SLC11A2: variants seen among roughly 807,000 people sequenced by gnomAD.
SLC11A2 encodes natural resistance-associated macrophage protein 2.
SLC11A2 carries 38 observed loss-of-function variants against 68.0 expected under a neutral mutation model. The observed-to-expected ratio is 0.56, with a 90% CI of 0.43 to 0.73. The LOEUF (loss-of-function observed/expected upper bound fraction) is 0.73, where lower values mean the gene tolerates loss of function less well. Ranked by LOEUF, SLC11A2 falls within the 30% of genes least tolerant of loss-of-function variation. The pLI is 0.00. For synonymous variants in SLC11A2, 242 were observed against 250.6 expected (o/e 0.97, Z 0.32); for missense variants, 517 against 690.5 (o/e 0.75, Z 2.82).
upstream of SLC11A2, among the ~76,000 whole-genome samples, chr12:51,027,405 G>A (rs1944436140): frequency 6.6e-6 from 1 of 151,756 alleles, no homozygotes; most frequent in South Asian, 2.1e-4. Flanking sequence ...CATAGTATCT[G>A]CTGCCCCACC....
intron 8 of SLC11A2, 28 bp from the exon 9 acceptor site, chr12:50,997,000 C>T (rs1941760986): frequency 6.2e-7 from 1 of 1,606,002 alleles, no homozygotes; most frequent in African/African-American, 1.3e-5. Flanking sequence ...AATGATTAGC[C>T]TTTACAGGAA....
In SLC11A2 at chr12:50,986,634, G is replaced by C. The variant is rs1167482223; in HGVS notation, c.*1691C>G. On this transcript the variant is annotated 3_prime_UTR_variant, in exon 16 of 16. Coordinates refer to ENST00000262052, the MANE Select transcript of SLC11A2 (RefSeq NM_000617.3). ...AGCCAGGTGAGAGCTTAAGATGTCA[G>C]TCCCCAATATCTTCACAGAGTGCCT... The C allele has an allele frequency of 7.8e-7, 1 of 1,286,824 alleles. No homozygotes were observed. The highest frequency in any genetic ancestry group is 1.0e-6 in the Non-Finnish European group (1 of 988,560). 79.7% of individuals were successfully genotyped at this position (1,286,824 alleles called of 1,614,324 possible). A position where few individuals can be genotyped will look rare whatever the true frequency, so the allele number is the denominator to read the frequency against.
intron 5 of SLC11A2, among the ~76,000 whole-genome samples, chr12:51,001,027 T>C (rs570377967): frequency 1.3e-5 from 2 of 151,488 alleles, no homozygotes; most frequent in East Asian, 3.9e-4. Context: ...TAGCTGGGCA[T>C]GGTGGCACAT....
chr12:50,954,909 T>A, the SLC11A2 span, among the ~76,000 whole-genome samples: 7 of 152,314 alleles, frequency 4.6e-5, no homozygotes, highest in African/African-American at 1.7e-4. Context: ...AGTGGTCATT[T>A]TGGCTGCTCA....
chr12:50,998,204 A>G (rs924352166), intron 8 of SLC11A2, among the ~76,000 whole-genome samples: 18 of 150,862 alleles, frequency 1.2e-4, no homozygotes, highest in Admixed American at 1.2e-3. Context: ...CTAAAAATAC[A>G]AAAAGTTAGC....
chr12:50,993,751 C>T (rs1379358763), intron 11 of SLC11A2, among the ~76,000 whole-genome samples: 4 of 151,676 alleles, frequency 2.6e-5, no homozygotes, highest in African/African-American at 9.7e-5. Flanking sequence ...GCACTTGAAC[C>T]CGGAAGGCAG....
intron 15 of SLC11A2, 146 bp downstream of exon 15, chr12:50,990,649 A>C (rs1941056735): frequency 1.0e-5 from 8 of 771,082 alleles, no homozygotes; most frequent in African/African-American, 1.7e-5. Context: ...GATTCAAGCA[A>C]TCCTCCCGCC....
chr12:51,010,293 G>A lies in SLC11A2; in HGVS notation c.34+402C>T, dbSNP rs991456885. ...AGCACTTTGGGAGGCTGAGACGGGC[G>A]GATCACTTGAGGTCAGGCATTTGCG... On this transcript the variant is annotated intron_variant, in intron 2 of 15. Transcript: ENST00000262052. Among the ~76,000 whole-genome samples the A allele has an allele frequency of 2.4e-4, 36 of 152,204 alleles. No individual in the cohort carries two copies. The East Asian group carries it at 2.5e-3, about 11-fold the overall frequency.
rs34496378 is a variant in SLC11A2 at position 51,001,164 on chromosome 12, CA to C, written c.430-746del. ...TGGACAACAAAGCGAGACTCCATCT[CA>C]AAAAAAAAAAAAAAAGGTTGGGGTG... On this transcript the variant is annotated intron_variant, in intron 5 of 15. Transcript: ENST00000262052. 8.7e-3 allele frequency among the ~76,000 whole-genome samples: 901 copies of C among 103,762 alleles called. 7 individuals carry two copies. Among genetic ancestry groups the C allele is most frequent in the African/African-American group, 0.025 (686 of 26,906 alleles). 68.1% of individuals were successfully genotyped at this position (103,762 alleles called of 152,430 possible). A position where few individuals can be genotyped will look rare whatever the true frequency, so the allele number is the denominator to read the frequency against.
intron 10 of SLC11A2, chr12:50,994,955 C>T: frequency 2.9e-6 from 1 of 348,834 alleles, no homozygotes; most frequent in South Asian, 2.6e-5. Context: ...AGAATAGAAT[C>T]CTCAGTCAAA....
At chr12:50,973,038 C>T in the SLC11A2 span, among the ~76,000 whole-genome samples, 1 of 152,218 alleles carries the variant, frequency 6.6e-6, no homozygotes, top group African/African-American at 2.4e-5. Context: ...GGAGGCCTGC[C>T]TGCCTCTGTA....
chr12:51,009,507 T>A (rs749091397), intron 2 of SLC11A2, among the ~76,000 whole-genome samples: 4 of 152,186 alleles, frequency 2.6e-5, no homozygotes, highest in Admixed American at 6.6e-5. Flanking sequence ...CCTTACAACC[T>A]CTAATTTAAA....
chr12:50,954,092 G>A, the SLC11A2 span: 10 of 1,589,374 alleles, frequency 6.3e-6, no homozygotes, highest in Admixed American at 1.5e-4. Context: ...TGTCCCTATA[G>A]GTAAGTACAA....
At chr12:50,980,916 A>C (rs1303032370), downstream of SLC11A2, 1 of 152,236 alleles carries the variant, frequency 6.6e-6, no homozygotes, top group Non-Finnish European at 1.5e-5. Flanking sequence ...TGAATGCCAG[A>C]ATGAGCTGAG....
At chr12:51,016,584 A>T (rs1566035143) in intron 1 of SLC11A2, among the ~76,000 whole-genome samples, 1 of 151,722 alleles carries the variant, frequency 6.6e-6, no homozygotes, top group Non-Finnish European at 1.5e-5. Flanking sequence ...CAGGAGGCTG[A>T]GGCAGGAGAT....
chr12:50,974,951 AT>A (rs1939829486), downstream of SLC11A2, among the ~76,000 whole-genome samples: 1 of 152,244 alleles, frequency 6.6e-6, no homozygotes, highest in South Asian at 2.1e-4. Flanking sequence ...TATCTTAAAT[AT>A]ACATGCACCC....
At chr12:50,957,247 G>A in the SLC11A2 span, among the ~76,000 whole-genome samples, 1 of 150,586 alleles carries the variant, frequency 6.6e-6, no homozygotes, top group African/African-American at 2.4e-5. Context: ...GTTTCCCTCT[G>A]TCGCCCAGGC....
At chr12:50,959,291 G>A in the SLC11A2 span, among the ~76,000 whole-genome samples, 60 of 151,548 alleles carry the variant, frequency 4.0e-4, no homozygotes, top group African/African-American at 1.4e-3. Context: ...GGCTAATTTT[G>A]TATTTTTAGT....
the SLC11A2 span, chr12:50,954,417 C>T: frequency 9.5e-6 from 2 of 209,648 alleles, no homozygotes; most frequent in Non-Finnish European, 1.9e-5. Context: ...GGACCATCAA[C>T]AGCAGCATCA....
Sources: allele counts gnomAD v4.1 joint callset (sites outside exome capture counted in the v4.1 genomes callset), GRCh38; gene constraint gnomAD v4.1.1; transcripts MANE v1.5; gene names NCBI Gene and HGNC (gene_info 2026-07-23, HGNC 2026-07-21).